Variants in DCLK3 observed in about 807,000 individuals in gnomAD.
DCLK3 encodes doublecortin like kinase 3, also known as serine/threonine-protein kinase DCLK3.
DCLK3 carries 30 observed loss-of-function variants against 46.4 expected under a neutral mutation model. The ratio of observed to expected loss-of-function variants is 0.65; its 90% CI spans 0.48 to 0.88. The LOEUF (loss-of-function observed/expected upper bound fraction) is 0.88, where lower values mean the gene tolerates loss of function less well. Among genes scored for constraint, DCLK3 ranks in the 40% least tolerant of loss-of-function variants. The pLI, the probability that DCLK3 is intolerant of heterozygous loss-of-function variation, is 0.00. For synonymous variants in DCLK3, 401 were observed against 339.2 expected, an observed-to-expected ratio of 1.18 and a Z score of -2.00; for missense variants, 846 against 907.1, an observed-to-expected ratio of 0.93 and a Z score of 0.87.
At chr3:36,752,239 C>G (rs750782039) in intron 1 of DCLK3, among the ~76,000 whole-genome samples, 17 of 152,326 alleles carry the variant, frequency 1.1e-4, no homozygotes, top group Middle Eastern at 3.4e-3. Context: ...CCAGCCTTTA[C>G]CCCATGGTGG....
chr3:36,759,553 G>A (rs546084830), intron 1 of DCLK3, among the ~76,000 whole-genome samples: 8 of 152,322 alleles, frequency 5.3e-5, no homozygotes, highest in Non-Finnish European at 5.9e-5. Context: ...TGTTACTGCA[G>A]CAAAGCTTAG....
At chr3:36,741,465 T>C (rs1417189240) in intron 1 of DCLK3, among the ~76,000 whole-genome samples, 1 of 152,208 alleles carries the variant, frequency 6.6e-6, no homozygotes, top group African/African-American at 2.4e-5. Context: ...AAGGATCAAC[T>C]GCTGGCTGTG....
intron 1 of DCLK3, among the ~76,000 whole-genome samples, chr3:36,745,589 T>G (rs1701387406): frequency 1.3e-5 from 2 of 152,228 alleles, no homozygotes; most frequent in African/African-American, 2.4e-5. Context: ...ATATTTTCCT[T>G]TTTATCAACT....
intron 1 of DCLK3, among the ~76,000 whole-genome samples, chr3:36,746,874 G>A (rs534355954): frequency 6.6e-6 from 1 of 152,340 alleles, no homozygotes; most frequent in Admixed American, 6.5e-5. Context: ...GATTCAGACA[G>A]TCTGGGTGGG....
intron 1 of DCLK3, among the ~76,000 whole-genome samples, chr3:36,744,210 C>T (rs1273652675): frequency 6.6e-6 from 1 of 152,238 alleles, no homozygotes; most frequent in Non-Finnish European, 1.5e-5. Flanking sequence ...ATTCCCAACC[C>T]TAACATCAAA....
intron 2 of DCLK3, among the ~76,000 whole-genome samples, chr3:36,730,218 ACACACAC>A (rs1701183307): frequency 6.6e-6 from 1 of 151,834 alleles, no homozygotes; most frequent in Non-Finnish European, 1.5e-5. Context: ...ACACACACAC[ACACACAC>A]ACAAACACAT....
chr3:36,723,449 T>C (rs1701086378), intron 2 of DCLK3, among the ~76,000 whole-genome samples: 1 of 151,998 alleles, frequency 6.6e-6, no homozygotes, highest in Non-Finnish European at 1.5e-5. Flanking sequence ...CCCAAGACAA[T>C]GGGGAAAATG....
intron 2 of DCLK3, among the ~76,000 whole-genome samples, chr3:36,728,861 C>A (rs1701157942): frequency 6.6e-6 from 1 of 152,166 alleles, no homozygotes; most frequent in African/African-American, 2.4e-5. Context: ...AGGACCTGTT[C>A]TCCTGGTCAC....
intron 1 of DCLK3, among the ~76,000 whole-genome samples, chr3:36,750,484 A>T (rs1242577309): frequency 6.6e-6 from 1 of 152,224 alleles, no homozygotes; most frequent in Non-Finnish European, 1.5e-5. Context: ...CTAAGAAAGG[A>T]CTTTCCATAA....
At chr3:36,725,927 T>A (rs1701120171) in intron 2 of DCLK3, among the ~76,000 whole-genome samples, 1 of 152,198 alleles carries the variant, frequency 6.6e-6, no homozygotes, top group Non-Finnish European at 1.5e-5. Flanking sequence ...CTTTCTCATC[T>A]CTGGTAAGCC....
intron 1 of DCLK3, among the ~76,000 whole-genome samples, chr3:36,742,861 G>A (rs890828966): frequency 2.0e-5 from 3 of 152,122 alleles, no homozygotes; most frequent in Admixed American, 6.5e-5. Context: ...CTCAGTCTCC[G>A]GGAACGTGCT....
intron 1 of DCLK3, among the ~76,000 whole-genome samples, chr3:36,741,250 G>A (rs1473301807): frequency 1.3e-5 from 2 of 152,202 alleles, no homozygotes; most frequent in African/African-American, 4.8e-5. Context: ...TCAAACGCAT[G>A]TGCACAAAAG....
Position 36,737,725 on chromosome 3 carries a change from G to C in DCLK3, c.1442C>G (p.Thr481Ser). ...CTTTGCAGGTTGGTCATCTCTGAGA[G>C]TCATCCTTCTGCCTCCAGACATACA... ...KPCMSGGRRM[T>S]LRDDQPAKLE... The change falls in exon 2 of 5, where the codon ACT becomes AGT. Residue 481 changes from threonine (T) to serine (S), a missense_variant. This residue lies in a region of DCLK3 where 553 missense variants were observed against 543.0 expected (regional missense o/e 1.02). Transcript: ENST00000636136. The surrounding 1 kb of genome is among the most constrained non-coding windows in gnomAD (Gnocchi z 4.4). 1 of 1,614,158 alleles carries C rather than the reference G, an allele frequency of 6.2e-7. No individual in the cohort carries two copies. Among genetic ancestry groups the C allele is most frequent in the Non-Finnish European group, 8.5e-7 (1 of 1,180,026 alleles).
intron 2 of DCLK3, among the ~76,000 whole-genome samples, chr3:36,726,155 A>T (rs911697620): frequency 1.3e-5 from 2 of 152,138 alleles, no homozygotes; most frequent in African/African-American, 2.4e-5. Context: ...CAAGTAAAAG[A>T]TGCATCGGTG....
chr3:36,742,680 C>T (rs553179587), intron 1 of DCLK3, among the ~76,000 whole-genome samples: 148 of 152,336 alleles, frequency 9.7e-4, no homozygotes, highest in African/African-American at 3.4e-3. Flanking sequence ...TTCGGATGCA[C>T]TGATTTTTAT....
chr3:36,723,079 C>T (rs1399670067), intron 2 of DCLK3, among the ~76,000 whole-genome samples: 1 of 152,116 alleles, frequency 6.6e-6, no homozygotes, highest in African/African-American at 2.4e-5. Context: ...ACAATAAAGT[C>T]CAGACTGAGG....
At position 36,721,635 on chromosome 3, in the gene DCLK3, T is replaced by C; in HGVS notation, c.1984A>G (p.Thr662Ala). The C allele has an allele frequency of 6.2e-7, 1 of 1,614,190 alleles. No homozygotes were observed. Among genetic ancestry groups the C allele is most frequent in the East Asian group, 2.2e-5 (1 of 44,868 alleles). Residue 662 changes from threonine to alanine, a missense_variant, in exon 3 of 5, where the codon ACT (threonine) becomes GCT (alanine). Around this residue, in one of 3 missense-constraint regions of DCLK3, gnomAD observed 247 missense variants for 322.8 expected, o/e 0.77. Transcript: ENST00000636136. Reference protein sequence around the residue: ...LLVQRNEDKSTTLKLADFGLA... With the variant: ...LLVQRNEDKSATLKLADFGLA... ...CCAAAATCAGCCAATTTCAAGGTAG[T>C]AGATTTGTCCTCATTTCGCTGAACC...
In DCLK3 at chr3:36,737,769, T is replaced by C. The variant is rs774983244; in HGVS notation, c.1398A>G (p.Ala466=). 5 of 1,614,206 alleles carry C rather than the reference T, an allele frequency of 3.1e-6. No individual in the cohort carries two copies. The East Asian group carries it at 1.1e-4, about 36-fold the overall frequency. Reference sequence around the variant, plus strand: ...ACATACATGGCTTTTTCTCCTTCTCTGCCTCCTTCTCTTCTCCTCGGGTCC... The same window carrying C: ...ACATACATGGCTTTTTCTCCTTCTCCGCCTCCTTCTCTTCTCCTCGGGTCC... ...LRRTRGEEKE[A]EKEKKPCMSG... is the part of the protein sequence containing the mutation. The change falls in exon 2 of 5, where the codon GCA becomes GCG. Residue 466 remains alanine, a synonymous_variant. Transcript: ENST00000636136. The surrounding 1 kb of genome is among the most constrained non-coding windows in gnomAD (Gnocchi z 4.4).
Position 36,738,874 on chromosome 3 carries a change from G to T in DCLK3, c.293C>A (p.Thr98Asn). ...ENSPLKPRVVTVVKLGGQRPR... is the reference protein window; with the variant it reads ...ENSPLKPRVVNVVKLGGQRPR... Reference sequence around the variant, plus strand: ...GCGCTGCCCACCCAGCTTCACTACGGTCACGACCCTGGGCTTCAGAGGGCT... The same window carrying T: ...GCGCTGCCCACCCAGCTTCACTACGTTCACGACCCTGGGCTTCAGAGGGCT... Residue 98 changes from threonine to asparagine, a missense_variant, in exon 2 of 5, where the codon ACC (threonine) becomes AAC (asparagine). Thr to Asn is a moderately conservative substitution (Grantham distance 65). Coordinates refer to ENST00000636136, the MANE Select transcript of DCLK3 (RefSeq NM_001394672.2). 2.0e-6 allele frequency: 1 copy of T among 492,504 alleles called. No homozygotes were observed. Among genetic ancestry groups the T allele is most frequent in the Non-Finnish European group, 3.2e-6 (1 of 309,916 alleles). The allele number at this position is 492,504 out of a possible 1,614,324, so 30.5% of individuals were successfully genotyped here. A position where few individuals can be genotyped will look rare whatever the true frequency, so the allele number is the denominator to read the frequency against.
Sources: allele counts gnomAD v4.1 joint callset (sites outside exome capture counted in the v4.1 genomes callset), GRCh38; gene constraint gnomAD v4.1.1; regional missense constraint gnomAD v4.1.1; non-coding constraint Gnocchi (gnomAD v3.1); transcripts MANE v1.5; gene names NCBI Gene and HGNC (gene_info 2026-07-23, HGNC 2026-07-21).